COL5A2: variants seen among roughly 807,000 people sequenced by gnomAD.
COL5A2 encodes the protein collagen type V alpha 2 chain, also known as collagen alpha-2(V) chain.
A neutral mutation model predicts 208.2 loss-of-function variants in COL5A2; 23 were observed. The observed-to-expected ratio is 0.11, with a 90% CI of 0.08 to 0.16. The LOEUF (loss-of-function observed/expected upper bound fraction) is 0.16. Ranked by LOEUF, COL5A2 falls within the 10% of genes least tolerant of loss-of-function variation. COL5A2 has a pLI of 1.00. For synonymous variants in COL5A2, 625 were observed against 628.5 expected, an observed-to-expected ratio of 0.99 and a Z score of 0.08; for missense variants, 1,590 against 1,956.4, an observed-to-expected ratio of 0.81 and a Z score of 3.53.
At chr2:189,319,828 G>C in the COL5A2 span, among the ~76,000 whole-genome samples, 2 of 152,192 alleles carry the variant, frequency 1.3e-5, no homozygotes, top group African/African-American at 4.8e-5. Flanking sequence ...GGTTCTTCCA[G>C]CACAGAGTTT....
At chr2:189,247,123 A>G in the COL5A2 span, among the ~76,000 whole-genome samples, 2 of 151,100 alleles carry the variant, frequency 1.3e-5, no homozygotes, top group Non-Finnish European at 2.9e-5. Context: ...TAGAATGGTG[A>G]TGAGGTCCAA....
chr2:189,267,486 T>C, the COL5A2 span, among the ~76,000 whole-genome samples: 1 of 152,086 alleles, frequency 6.6e-6, no homozygotes, highest in African/African-American at 2.4e-5. Context: ...ATTTTTTAAA[T>C]AATTGCCTAA....
rs117085226 is a variant in COL5A2, at chr2:189,097,346, A to T, written c.403-16T>A. ...CTGGAGGTCCCTAAAACAGAAAATG[A>T]TGATTATGCATGCAAAAATGTATAC... On this transcript the variant is annotated splice_polypyrimidine_tract_variant and intron_variant, in intron 5 of 53. Coordinates refer to ENST00000374866, the MANE Select transcript of COL5A2 (RefSeq NM_000393.5). 16,418 of 1,613,276 alleles carry T rather than the reference A, an allele frequency of 0.01. 563 individuals carry two copies. The highest frequency in any genetic ancestry group is 0.078 in the South Asian group (7,144 of 91,064).
intron 1 of COL5A2, among the ~76,000 whole-genome samples, chr2:189,200,473 T>C (rs1288373396): frequency 2.7e-5 from 4 of 147,926 alleles, no homozygotes; most frequent in Admixed American, 1.4e-4. Flanking sequence ...GTTTAGGTTA[T>C]AGGGTAGCTA....
chr2:189,139,576 G>T (rs1687896012), intron 1 of COL5A2, among the ~76,000 whole-genome samples: 1 of 152,110 alleles, frequency 6.6e-6, no homozygotes, highest in South Asian at 2.1e-4. Context: ...GGAACAGAAA[G>T]AGGTCATTAG....
the COL5A2 span, among the ~76,000 whole-genome samples, chr2:189,379,233 C>A: frequency 3.3e-5 from 5 of 152,064 alleles, no homozygotes; most frequent in African/African-American, 1.2e-4. Flanking sequence ...TTTAAATTTG[C>A]AGGCTTAACA....
chr2:189,243,188 A>G, the COL5A2 span, among the ~76,000 whole-genome samples: 1 of 152,106 alleles, frequency 6.6e-6, no homozygotes, highest in Non-Finnish European at 1.5e-5. Context: ...CTGGAAGCTT[A>G]AAGGAAGAAA....
At chr2:189,345,901 A>G in the COL5A2 span, among the ~76,000 whole-genome samples, 1 of 152,232 alleles carries the variant, frequency 6.6e-6, no homozygotes, top group Non-Finnish European at 1.5e-5. Flanking sequence ...ATATTACATT[A>G]CATTACTCCA....
chr2:189,098,713 G>A lies in COL5A2; in HGVS notation c.402+14C>T, dbSNP rs1166204251. 4.4e-6 allele frequency: 7 copies of A among 1,604,468 alleles called. No homozygotes were observed. The East Asian group carries it at 6.7e-5, about 15-fold the overall frequency. On this transcript the variant is annotated intron_variant, in intron 5 of 53. Coordinates refer to ENST00000374866, the MANE Select transcript of COL5A2 (RefSeq NM_000393.5). ...AATACAAGAGTACCAAGAATATTGG[G>A]AGAAACTACTTACTGCCGGTCCTGG...
intron 3 of COL5A2, 86 bp from the exon 4 acceptor site, chr2:189,100,225 T>C: frequency 1.0e-6 from 1 of 1,003,850 alleles, no homozygotes; most frequent in South Asian, 1.4e-5. Flanking sequence ...GAATATGCCA[T>C]GTAAACACAG....
the COL5A2 span, among the ~76,000 whole-genome samples, chr2:189,342,292 TGAC>T: frequency 6.7e-6 from 1 of 148,430 alleles, no homozygotes; most frequent in African/African-American, 2.5e-5. Context: ...GGAAACAAAA[TGAC>T]TACTATATAT....
intron 7 of COL5A2, among the ~76,000 whole-genome samples, chr2:189,090,262 C>T (rs999509270): frequency 4.6e-5 from 7 of 152,128 alleles, no homozygotes; most frequent in Admixed American, 3.9e-4. Context: ...TACCCAAAAT[C>T]GAATCTAGAG....
intron 31 of COL5A2, among the ~76,000 whole-genome samples, chr2:189,060,065 C>T (rs541641954): frequency 1.3e-5 from 2 of 152,066 alleles, no homozygotes; most frequent in African/African-American, 4.8e-5. Flanking sequence ...TCCTATCTTC[C>T]CTCCTTCATC....
At chr2:189,356,838 C>A in the COL5A2 span, among the ~76,000 whole-genome samples, 3,656 of 152,258 alleles carry the variant, frequency 0.024, 161 homozygotes, top group African/African-American at 0.084. Flanking sequence ...AATTTTCAGC[C>A]TTTTTGCACT....
At chr2:189,161,948 T>A (rs560873791) in intron 1 of COL5A2, among the ~76,000 whole-genome samples, 10 of 152,334 alleles carry the variant, frequency 6.6e-5, no homozygotes, top group South Asian at 6.2e-4. Flanking sequence ...CACATCAGAC[T>A]TGATGGCGGA....
intron 40 of COL5A2, 93 bp from the exon 41 acceptor site, chr2:189,052,318 C>T: frequency 1.7e-6 from 2 of 1,157,050 alleles, no homozygotes; most frequent in Non-Finnish European, 1.3e-6. Context: ...AAGACTGAAG[C>T]CTTTAGATTT....
At chr2:189,270,682 A>G in the COL5A2 span, among the ~76,000 whole-genome samples, 4,937 of 152,186 alleles carry the variant, frequency 0.032, 85 homozygotes, top group Admixed American at 0.047. Flanking sequence ...AGAAAGAAAT[A>G]AAGGGTATTC....
chr2:189,293,635 G>A, the COL5A2 span, among the ~76,000 whole-genome samples: 1 of 152,182 alleles, frequency 6.6e-6, no homozygotes. Flanking sequence ...AGAGACCCCA[G>A]AGAGCTAGCT....
intron 1 of COL5A2, among the ~76,000 whole-genome samples, chr2:189,195,480 G>C (rs1012205780): frequency 1.3e-5 from 2 of 151,952 alleles, no homozygotes; most frequent in African/African-American, 4.8e-5. Context: ...ACTTCATATG[G>C]AACCAAAAAA....
Sources: allele counts gnomAD v4.1 joint callset (sites outside exome capture counted in the v4.1 genomes callset), GRCh38; gene constraint gnomAD v4.1.1; transcripts MANE v1.5; gene names NCBI Gene and HGNC (gene_info 2026-07-23, HGNC 2026-07-21).